PUS7: variants seen among roughly 807,000 people sequenced by gnomAD.
The protein encoded by PUS7 is pseudouridylate synthase 7 homolog.
Under a neutral mutation model 79.8 loss-of-function variants are expected in PUS7, and 48 were observed. The observed-to-expected ratio is 0.60, with a 90% confidence interval of 0.48 to 0.76. The LOEUF (loss-of-function observed/expected upper bound fraction) is 0.76. PUS7 is among the 30% of genes least tolerant of loss of function. PUS7 has a pLI of 0.00. For synonymous variants in PUS7, 286 were observed against 272.2 expected (o/e 1.05, Z -0.50); for missense variants, 729 against 797.6 (o/e 0.91, Z 1.04).
At chr7:105,519,972 G>A (rs539641727) in intron 1 of PUS7, among the ~76,000 whole-genome samples, 1 of 152,152 alleles carries the variant, frequency 6.6e-6, no homozygotes, top group African/African-American at 2.4e-5. Flanking sequence ...CTCTCTCCTA[G>A]GTAAGGAAAA....
rs774245917 is a variant in PUS7, at chr7:105,457,902, A to G, written c.1874T>C (p.Met625Thr). The G allele has an allele frequency of 6.2e-7, 1 of 1,613,968 alleles. No homozygotes were observed. Among genetic ancestry groups the G allele is most frequent in the Non-Finnish European group, 8.5e-7 (1 of 1,179,900 alleles). Reference sequence around the variant, plus strand: ...AGTAGAAGGGGGTAGAGAAAAATCCATTTTCAGAGCCCTGTATTTGCCTTC... The same window carrying G: ...AGTAGAAGGGGGTAGAGAAAAATCCGTTTTCAGAGCCCTGTATTTGCCTTC... The part of the protein sequence containing the change: ...ASEGKYRALK[M>T]DFSLPPSTYA... Residue 625 changes from methionine (M) to threonine (T), a missense_variant, in exon 16 of 16, where the codon ATG (methionine) becomes ACG (threonine). Transcript: ENST00000469408.
At chr7:105,480,010 AAAAAT>A (rs1469254626) in intron 9 of PUS7, among the ~76,000 whole-genome samples, 2 of 152,024 alleles carry the variant, frequency 1.3e-5, no homozygotes, top group East Asian at 1.9e-4. Context: ...AATAAAAATA[AAAAAT>A]AAAATAAAAT....
At chr7:105,476,371 T>TA (rs1333439846) in intron 9 of PUS7, among the ~76,000 whole-genome samples, 2 of 152,036 alleles carry the variant, frequency 1.3e-5, no homozygotes. Flanking sequence ...TATATATATA[T>TA]TTTTTGAGAC....
intron 13 of PUS7, among the ~76,000 whole-genome samples, chr7:105,464,550 C>T (rs541422266): frequency 6.6e-6 from 1 of 152,298 alleles, no homozygotes; most frequent in African/African-American, 2.4e-5. Context: ...GAGCCAGATG[C>T]CCTTCTTCGC....
At chr7:105,492,939 A>T (rs1824858149) in intron 6 of PUS7, among the ~76,000 whole-genome samples, 1 of 152,172 alleles carries the variant, frequency 6.6e-6, no homozygotes, top group African/African-American at 2.4e-5. Flanking sequence ...CACTGCGCCC[A>T]GTCAATAATT....
At chr7:105,486,095 G>A (rs1342070550) in intron 7 of PUS7, among the ~76,000 whole-genome samples, 2 of 151,038 alleles carry the variant, frequency 1.3e-5, no homozygotes, top group Non-Finnish European at 2.9e-5. Context: ...CACTCAGGCT[G>A]GAGTGGAGTG....
intron 14 of PUS7, among the ~76,000 whole-genome samples, chr7:105,460,336 C>A (rs1311405558): frequency 6.6e-6 from 1 of 152,150 alleles, no homozygotes; most frequent in Non-Finnish European, 1.5e-5. Flanking sequence ...AGACTGGGTG[C>A]CACAACCAAC....
chr7:105,492,304 A>C (rs954859184), intron 6 of PUS7, among the ~76,000 whole-genome samples: 22 of 151,628 alleles, frequency 1.5e-4, no homozygotes, highest in African/African-American at 5.1e-4. Context: ...AAAACAAAAA[A>C]GGTAAATGAT....
intron 7 of PUS7, among the ~76,000 whole-genome samples, chr7:105,485,631 A>T (rs1824513663): frequency 6.6e-6 from 1 of 152,234 alleles, no homozygotes; most frequent in African/African-American, 2.4e-5. Context: ...ATGGTTACTC[A>T]GTTATCCAAC....
At chr7:105,499,768 A>G (rs999595013) in intron 5 of PUS7, among the ~76,000 whole-genome samples, 1 of 152,208 alleles carries the variant, frequency 6.6e-6, no homozygotes, top group African/African-American at 2.4e-5. Flanking sequence ...ATAATGCATA[A>G]TAACAATTTC....
At chr7:105,490,322 CTA>C (rs918845418) in intron 7 of PUS7, among the ~76,000 whole-genome samples, 1 of 152,064 alleles carries the variant, frequency 6.6e-6, no homozygotes, top group Non-Finnish European at 1.5e-5. Context: ...TTCCTTGCCC[CTA>C]TGTTATTTCT....
At chr7:105,470,993 C>T (rs779556967) in intron 10 of PUS7, 145 bp from the exon 11 acceptor site, 310 of 865,820 alleles carry the variant, frequency 3.6e-4, no homozygotes, top group Non-Finnish European at 4.4e-4. Flanking sequence ...TCTGAGGAAG[C>T]GCAAAGATGG....
At chr7:105,465,853 A>C (rs996765121) in intron 12 of PUS7, among the ~76,000 whole-genome samples, 2 of 148,930 alleles carry the variant, frequency 1.3e-5, no homozygotes, top group Non-Finnish European at 3.0e-5. Context: ...AGAAAGAAAA[A>C]AAGGAAAAAG....
At chr7:105,516,904 G>C (rs1825917457) in intron 1 of PUS7, among the ~76,000 whole-genome samples, 1 of 152,012 alleles carries the variant, frequency 6.6e-6, no homozygotes. Flanking sequence ...TTTGCAGTCA[G>C]GAAAGCCCAA....
At chr7:105,518,529 G>A (rs923480091) in intron 1 of PUS7, among the ~76,000 whole-genome samples, 5 of 151,688 alleles carry the variant, frequency 3.3e-5, no homozygotes, top group African/African-American at 1.2e-4. Flanking sequence ...AGCCACCCGA[G>A]TAACTGGGAC....
chr7:105,506,033 T>C lies in PUS7; in HGVS notation c.507A>G (p.Thr169=), dbSNP rs1206413589. Residue 169 remains threonine, a synonymous_variant, in exon 4 of 16, where the codon ACA becomes ACG. Coordinates refer to ENST00000469408, the MANE Select transcript of PUS7 (RefSeq NM_019042.5). ...DEEDPSEDIF[T]VLTAEEKQRL... ...GCTGCTTTTCTTCAGCTGTCAAAAC[T>C]GTAAATATGTCTTCTGAAGGGTCCT... 1.9e-6 allele frequency: 3 copies of C among 1,613,872 alleles called. No homozygotes were observed. Among genetic ancestry groups the C allele is most frequent in the Non-Finnish European group, 2.5e-6 (3 of 1,179,894 alleles).
At chr7:105,492,754 G>A (rs1032338926) in intron 6 of PUS7, among the ~76,000 whole-genome samples, 12 of 151,904 alleles carry the variant, frequency 7.9e-5, no homozygotes, top group Non-Finnish European at 1.3e-4. Flanking sequence ...TGATCCGCCC[G>A]CCTCGGCCTC....
intron 1 of PUS7, among the ~76,000 whole-genome samples, chr7:105,521,429 C>T (rs1049707675): frequency 1.3e-5 from 2 of 152,218 alleles, no homozygotes; most frequent in African/African-American, 4.8e-5. Context: ...CCTCCATCCA[C>T]TCGTTAAGCA....
At chr7:105,512,789 C>G (rs1825750782) in intron 1 of PUS7, among the ~76,000 whole-genome samples, 1 of 152,134 alleles carries the variant, frequency 6.6e-6, no homozygotes, top group Admixed American at 6.6e-5. Context: ...TGGGGTTAGG[C>G]TGGAAGACCA....
Sources: allele counts gnomAD v4.1 joint callset (sites outside exome capture counted in the v4.1 genomes callset), GRCh38; gene constraint gnomAD v4.1.1; transcripts MANE v1.5; gene names NCBI Gene and HGNC (gene_info 2026-07-23, HGNC 2026-07-21).